LRSAM1: variants seen among roughly 807,000 people sequenced by gnomAD.
LRSAM1 encodes the protein leucine rich repeat and sterile alpha motif containing 1.
Under a neutral mutation model 118.1 loss-of-function variants are expected in LRSAM1, and 96 were observed. The ratio of observed to expected loss-of-function variants is 0.81; its 90% CI spans 0.69 to 0.96. The LOEUF is 0.96. LRSAM1 is among the 40% of genes least tolerant of loss of function. The pLI is 0.00. For missense variants in LRSAM1, 804 were observed against 915.5 expected, an observed-to-expected ratio of 0.88 and a Z score of 1.57; for synonymous variants, 322 against 364.2, an observed-to-expected ratio of 0.88 and a Z score of 1.32.
intron 15 of LRSAM1, 75 bp downstream of exon 15, chr9:127,481,302 G>T: frequency 6.7e-7 from 1 of 1,502,458 alleles, no homozygotes; most frequent in African/African-American, 1.4e-5. Flanking sequence ...CGCCAGGCTG[G>T]AGTGCAGTGG....
chr9:127,493,450 C>T (rs1280116772), intron 21 of LRSAM1, among the ~76,000 whole-genome samples: 1 of 152,212 alleles, frequency 6.6e-6, no homozygotes, highest in Non-Finnish European at 1.5e-5. Flanking sequence ...TGGCATGCTG[C>T]ATACCCTTTT....
At chr9:127,469,739 G>T (rs1305709109) in intron 10 of LRSAM1, among the ~76,000 whole-genome samples, 1 of 152,166 alleles carries the variant, frequency 6.6e-6, no homozygotes, top group East Asian at 1.9e-4. Flanking sequence ...CGAGGTGGGC[G>T]GATCATGACG....
chr9:127,479,949 G>C lies in LRSAM1; in HGVS notation c.1014G>C (p.Arg338=). 2 of 1,614,200 alleles carry C rather than the reference G, an allele frequency of 1.2e-6. No individual in the cohort carries two copies. The highest frequency in any genetic ancestry group is 1.7e-6 in the Non-Finnish European group (2 of 1,180,032). Residue 338 remains arginine, a synonymous_variant, in exon 14 of 26, where the codon CGG becomes CGC. Transcript: ENST00000300417. ...AGACGGAACAGAACATTTCCAGCCG[G>C]ATCCAGAAGCTGCTGCAGGACAATC... ...LKQTEQNISS[R]IQKLLQDNQR... is the part of the protein sequence containing the mutation.
intron 18 of LRSAM1, 113 bp downstream of exon 18, chr9:127,487,876 A>T: frequency 1.1e-5 from 8 of 738,926 alleles, no homozygotes; most frequent in Admixed American, 2.4e-5. Context: ...GGGACCACAG[A>T]GGTTTGTGAC....
At chr9:127,466,518 T>A (rs1241400416) in intron 9 of LRSAM1, among the ~76,000 whole-genome samples, 29 of 90,692 alleles carry the variant, frequency 3.2e-4, no homozygotes, top group East Asian at 2.9e-3. Flanking sequence ...TTTTTTTTTT[T>A]TTTTTTTTTT....
chr9:127,481,213 G>A lies in LRSAM1; in HGVS notation c.1074G>A (p.Ser358=), dbSNP rs776894109. Residue 358 remains serine (S), a synonymous_variant, in exon 15 of 26, where the codon TCG becomes TCA. Transcript: ENST00000300417. ...RQKKSSEILK[S]LENERIRMEQ... Reference sequence around the variant, plus strand: ...AGAAAAGCTCCGAGATTTTGAAATCGCTGGAAAATGAAAGGTAAGTGTTCT... The same window carrying A: ...AGAAAAGCTCCGAGATTTTGAAATCACTGGAAAATGAAAGGTAAGTGTTCT... 41 of 1,613,152 alleles carry A rather than the reference G, an allele frequency of 2.5e-5. No homozygotes were observed. The highest frequency in any genetic ancestry group is 1.8e-4 in the East Asian group (8 of 44,880).
chr9:127,474,476 C>T (rs1211131231), intron 11 of LRSAM1, among the ~76,000 whole-genome samples: 1 of 152,088 alleles, frequency 6.6e-6, no homozygotes, highest in African/African-American at 2.4e-5. Context: ...TGAGAAGCTC[C>T]AGTCGAGGTC....
chr9:127,492,861 G>A lies in LRSAM1; in HGVS notation c.1563G>A (p.Glu521=). The change falls in exon 21 of 26, where the codon GAG becomes GAA. Residue 521 remains glutamate, a synonymous_variant. Transcript: ENST00000300417. ...LSSLLQQLLK[E]KQQREEELRE... ...CCCTGCTCCAGCAGCTGCTCAAAGAGAAGCAGCAGCGAGAGGAAGAGCTCC... is the reference window on the plus strand; with the variant it reads ...CCCTGCTCCAGCAGCTGCTCAAAGAAAAGCAGCAGCGAGAGGAAGAGCTCC... The A allele has an allele frequency of 6.2e-7, 1 of 1,614,080 alleles. No individual in the cohort carries two copies. Among genetic ancestry groups the A allele is most frequent in the Non-Finnish European group, 8.5e-7 (1 of 1,180,032 alleles).
chr9:127,473,694 G>A (rs1835253340), intron 10 of LRSAM1, 107 bp from the exon 11 acceptor site: 1 of 1,500,722 alleles, frequency 6.7e-7, no homozygotes, highest in Non-Finnish European at 9.3e-7. Flanking sequence ...GAGGAGAGCA[G>A]TGGCTGAGTC....
At chr9:127,501,226 C>A in intron 25 of LRSAM1, 83 bp downstream of exon 25, 1 of 1,525,196 alleles carries the variant, frequency 6.6e-7, no homozygotes, top group Non-Finnish European at 8.8e-7. Context: ...TGTCTCTGAA[C>A]GTGTTTTCTC....
intron 5 of LRSAM1, 33 bp from the exon 6 acceptor site, chr9:127,457,283 C>G: frequency 6.2e-7 from 1 of 1,611,964 alleles, no homozygotes; most frequent in South Asian, 1.1e-5. Context: ...TGCTCTTCCT[C>G]AGCCCAGCAT....
rs530064716 is a variant in LRSAM1 at position 127,452,300 on chromosome 9, G to C, written c.-33+216G>C. The C allele has an allele frequency of 6.6e-6, 1 of 152,330 alleles. No individual in the cohort carries two copies. Among genetic ancestry groups the C allele is most frequent in the Admixed American group, 6.6e-5 (1 of 15,194 alleles). The allele number at this position is 152,330 out of a possible 1,614,324, so 9.4% of individuals were successfully genotyped here. ...GGGTTAGTGATTGGGGAGCAGAAGGGTAAGTGCTGGTCATCAGGGACGGAT... is the reference window on the plus strand; with the variant it reads ...GGGTTAGTGATTGGGGAGCAGAAGGCTAAGTGCTGGTCATCAGGGACGGAT... On this transcript the variant is annotated intron_variant, in intron 2 of 25. Coordinates refer to ENST00000300417, the MANE Select transcript of LRSAM1 (RefSeq NM_001005373.4).
chr9:127,459,094 C>T (rs1834637819), intron 7 of LRSAM1, 23 bp downstream of exon 7: 1 of 1,611,936 alleles, frequency 6.2e-7, no homozygotes, highest in Non-Finnish European at 8.5e-7. Context: ...AAACAGAAAC[C>T]CACCTCGGAT....
At chr9:127,489,362 A>C (rs1338508766) in intron 18 of LRSAM1, 82 bp from the exon 19 acceptor site, 21 of 1,501,266 alleles carry the variant, frequency 1.4e-5, no homozygotes, top group Non-Finnish European at 1.9e-5. Flanking sequence ...CTTTGTACAC[A>C]GCTTTTGCTT....
rs546755217 is a variant in LRSAM1 at position 127,501,084 on chromosome 9, G to A, written c.1987G>A (p.Ala663Thr). The change falls in exon 25 of 26, where the codon GCT becomes ACT. Residue 663 changes from alanine to threonine, a missense_variant. Ala to Thr is a moderately conservative substitution (Grantham distance 58). Coordinates refer to ENST00000300417, the MANE Select transcript of LRSAM1 (RefSeq NM_001005373.4). ...GCCTCCTGAGTCTGTGAGGCCATCC[G>A]CTCCCCCTGCAGAGCTGGAGGTGCA... ...QEPPESVRPS[A>T]PPAELEVQAS... is the part of the protein sequence containing the mutation. 2.4e-5 allele frequency: 38 copies of A among 1,613,870 alleles called. No homozygotes were observed. The highest frequency in any genetic ancestry group is 1.3e-4 in the African/African-American group (10 of 75,032).
At chr9:127,501,184 G>A (rs747184869) in intron 25 of LRSAM1, 41 bp downstream of exon 25, 2 of 1,605,934 alleles carry the variant, frequency 1.2e-6, no homozygotes, top group Non-Finnish European at 1.7e-6. Flanking sequence ...CCTGCCTGTG[G>A]CCACCCTCCT....
chr9:127,467,872 T>C, intron 10 of LRSAM1, 42 bp downstream of exon 10: 1 of 1,534,002 alleles, frequency 6.5e-7, no homozygotes, highest in South Asian at 1.2e-5. Context: ...TGAGGAACTA[T>C]GACCCCCATG....
chr9:127,494,332 T>C (rs940523941), intron 21 of LRSAM1, among the ~76,000 whole-genome samples: 1 of 152,186 alleles, frequency 6.6e-6, no homozygotes, highest in Non-Finnish European at 1.5e-5. Flanking sequence ...ATGCCAGCCC[T>C]CACTGAACAG....
chr9:127,476,278 G>A (rs555736511), intron 11 of LRSAM1, among the ~76,000 whole-genome samples: 1 of 152,288 alleles, frequency 6.6e-6, no homozygotes, highest in Non-Finnish European at 1.5e-5. Context: ...TTAGTGAAAA[G>A]GGCAGATTGC....
Sources: gnomAD v4.1 joint callset for allele counts (sites outside exome capture counted in the v4.1 genomes callset) on GRCh38, gnomAD v4.1.1 for gene constraint, MANE v1.5 for transcripts, NCBI Gene and HGNC (gene_info 2026-07-23, HGNC 2026-07-21) for gene names.